The following IQCK variants were observed in gnomAD, a reference collection of about 807,000 sequenced individuals.
IQCK encodes IQ motif containing K.
Under a neutral mutation model 28.1 loss-of-function variants are expected in IQCK, and 29 were observed. The observed-to-expected ratio is 1.03, with a 90% CI of 0.77 to 1.41. The LOEUF (loss-of-function observed/expected upper bound fraction) is 1.41. IQCK is among the 40% of genes most tolerant of loss of function. The probability of loss-of-function intolerance (pLI) is 0.00; values close to 1 mark genes in which losing one functional copy is unlikely to be tolerated. For synonymous variants in IQCK, 113 were observed against 115.1 expected (o/e 0.98, Z 0.12); for missense variants, 359 against 314.7 (o/e 1.14, Z -1.07).
intron 4 of IQCK, among the ~76,000 whole-genome samples, chr16:19,751,241 C>G (rs556716669): frequency 6.6e-6 from 1 of 152,194 alleles, no homozygotes; most frequent in Admixed American, 6.5e-5. Flanking sequence ...ACCCGTTATC[C>G]CAGCACTTTG....
chr16:19,821,722 T>C (rs1236260076), intron 7 of IQCK, among the ~76,000 whole-genome samples: 1 of 151,744 alleles, frequency 6.6e-6, no homozygotes, highest in African/African-American at 2.4e-5. Flanking sequence ...CAAAAACTCA[T>C]ACACAAATGT....
intron 6 of IQCK, among the ~76,000 whole-genome samples, chr16:19,768,319 A>G (rs1233663466): frequency 6.6e-6 from 1 of 152,226 alleles, no homozygotes; most frequent in Non-Finnish European, 1.5e-5. Context: ...GCTTAATGAT[A>G]CAGATTGGAG....
intron 9 of IQCK, among the ~76,000 whole-genome samples, chr16:19,844,171 C>T (rs1184314705): frequency 6.6e-6 from 1 of 151,960 alleles, no homozygotes; most frequent in East Asian, 1.9e-4. Context: ...GCTCCACCTC[C>T]CAGGCTCAAG....
intron 6 of IQCK, among the ~76,000 whole-genome samples, chr16:19,770,716 G>A (rs1023006218): frequency 1.3e-5 from 2 of 152,092 alleles, no homozygotes; most frequent in Non-Finnish European, 2.9e-5. Flanking sequence ...TCTGCCTCCC[G>A]GGTTCAAGTG....
At chr16:19,826,977 G>A (rs1268647022) in intron 7 of IQCK, 49 bp from the exon 8 acceptor site, 1 of 1,183,672 alleles carries the variant, frequency 8.4e-7, no homozygotes, top group Non-Finnish European at 1.3e-6. Flanking sequence ...ATAAGCTAGT[G>A]TACAGAAGTG....
chr16:19,844,075 T>G (rs546030356), intron 9 of IQCK, among the ~76,000 whole-genome samples: 3 of 151,694 alleles, frequency 2.0e-5, no homozygotes. Context: ...TGTACTCATA[T>G]GCTTGCTTTT....
At chr16:19,814,052 T>C (rs1302614791) in intron 7 of IQCK, among the ~76,000 whole-genome samples, 3 of 151,866 alleles carry the variant, frequency 2.0e-5, no homozygotes, top group East Asian at 1.9e-4. Flanking sequence ...ACCCTGTCTC[T>C]ACTAAAAATA....
Position 19,799,704 on chromosome 16 carries a change from A to G in IQCK, c.690+10782A>G, listed in dbSNP as rs188589080. On this transcript the variant is annotated intron_variant, in intron 7 of 7. Transcript: ENST00000564186. ...GTTAGACATTCTTGTTTCCTCTCCTATATATTCAGTGAAAAACATTATTGT... is the reference window on the plus strand; with the variant it reads ...GTTAGACATTCTTGTTTCCTCTCCTGTATATTCAGTGAAAAACATTATTGT... Among the ~76,000 whole-genome samples the G allele has an allele frequency of 1.9e-3, 220 of 113,648 alleles. 3 individuals carry two copies. Among genetic ancestry groups the G allele is most frequent in the Non-Finnish European group, 2.9e-3 (179 of 61,100 alleles). 74.6% of individuals were successfully genotyped at this position (113,648 alleles called of 152,430 possible). A position where few individuals can be genotyped will look rare whatever the true frequency, so the allele number is the denominator to read the frequency against.
At chr16:19,727,462 CTG>C (rs1271400452) in intron 1 of IQCK, among the ~76,000 whole-genome samples, 1 of 152,126 alleles carries the variant, frequency 6.6e-6, no homozygotes, top group East Asian at 1.9e-4. Flanking sequence ...CAGCATGTGC[CTG>C]TAGTCCCAGC....
At chr16:19,733,941 A>T in intron 3 of IQCK, 114 bp downstream of exon 3, 1 of 939,568 alleles carries the variant, frequency 1.1e-6, no homozygotes, top group East Asian at 2.5e-5. Flanking sequence ...CATAAGAAAG[A>T]ATGTGTTCTT....
chr16:19,847,934 C>A (rs1422243922), intron 9 of IQCK, among the ~76,000 whole-genome samples: 1 of 152,188 alleles, frequency 6.6e-6, no homozygotes, highest in African/African-American at 2.4e-5. Context: ...TCCCAAAGTG[C>A]TGGGATTATA....
chr16:19,767,672 G>T (rs567095468), intron 6 of IQCK, among the ~76,000 whole-genome samples: 1 of 152,230 alleles, frequency 6.6e-6, no homozygotes, highest in East Asian at 1.9e-4. Context: ...CCAGGACGGG[G>T]GGTGTGGCAA....
chr16:19,804,415 A>G (rs565138989), intron 7 of IQCK, among the ~76,000 whole-genome samples: 2 of 151,336 alleles, frequency 1.3e-5, no homozygotes, highest in South Asian at 2.1e-4. Flanking sequence ...TGTTGTGTGT[A>G]TGTGTGTGTG....
intron 9 of IQCK, among the ~76,000 whole-genome samples, chr16:19,840,933 G>A (rs1325394173): frequency 1.3e-5 from 2 of 152,206 alleles, no homozygotes; most frequent in African/African-American, 4.8e-5. Context: ...CTGTGAGCCT[G>A]CCTTAAAGAG....
intron 6 of IQCK, among the ~76,000 whole-genome samples, chr16:19,765,744 G>A (rs1229653394): frequency 2.0e-5 from 3 of 151,880 alleles, no homozygotes; most frequent in Non-Finnish European, 2.9e-5. Flanking sequence ...TTCTTATTTA[G>A]CTTTCAAACC....
chr16:19,722,732 C>G (rs1019526964), intron 1 of IQCK, among the ~76,000 whole-genome samples: 49 of 150,556 alleles, frequency 3.3e-4, no homozygotes, highest in Non-Finnish European at 4.7e-4. Context: ...TTTTCCTTCC[C>G]TTGAGACAGA....
chr16:19,778,654 C>A (rs896408896), intron 6 of IQCK, among the ~76,000 whole-genome samples: 1 of 151,226 alleles, frequency 6.6e-6, no homozygotes, highest in Non-Finnish European at 1.5e-5. Context: ...GAGACCCTAT[C>A]TCAAAAAAAA....
chr16:19,750,817 A>G (rs990458982), intron 4 of IQCK, among the ~76,000 whole-genome samples: 3 of 152,214 alleles, frequency 2.0e-5, no homozygotes, highest in East Asian at 3.8e-4. Context: ...TGGCACAGCT[A>G]CAATGAAAGA....
chr16:19,790,827 C>CA (rs1226179266), intron 7 of IQCK, among the ~76,000 whole-genome samples: 3 of 63,702 alleles, frequency 4.7e-5, no homozygotes, highest in Non-Finnish European at 7.4e-5. Flanking sequence ...AACAAACAAA[C>CA]AAACAAACAA....
Sources: gnomAD v4.1 joint callset for allele counts (sites outside exome capture counted in the v4.1 genomes callset) on GRCh38, gnomAD v4.1.1 for gene constraint, MANE v1.5 for transcripts, NCBI Gene and HGNC (gene_info 2026-07-23, HGNC 2026-07-21) for gene names.